TASP1: variants seen among roughly 807,000 people sequenced by gnomAD.
The protein encoded by TASP1 is taspase 1, also known as threonine aspartase 1.
In TASP1, 16 loss-of-function variants were observed where a neutral mutation model predicts 56.6. The observed-to-expected ratio is 0.28, with a 90% CI of 0.19 to 0.43. The LOEUF (loss-of-function observed/expected upper bound fraction) is 0.43. Among genes scored for constraint, TASP1 ranks in the 20% least tolerant of loss-of-function variants. The probability of loss-of-function intolerance (pLI) is 1.00; values close to 1 mark genes in which losing one functional copy is unlikely to be tolerated. For synonymous variants in TASP1, 179 were observed against 184.2 expected (o/e 0.97, Z 0.23); for missense variants, 393 against 511.6 (o/e 0.77, Z 2.24).
the TASP1 span, among the ~76,000 whole-genome samples, chr20:13,134,988 G>A: frequency 1.3e-5 from 2 of 152,144 alleles, no homozygotes; most frequent in Non-Finnish European, 2.9e-5. Context: ...AAATGCATGT[G>A]CCTCACAACA....
At chr20:13,205,181 C>G in the TASP1 span, among the ~76,000 whole-genome samples, 1 of 152,106 alleles carries the variant, frequency 6.6e-6, no homozygotes, top group Non-Finnish European at 1.5e-5. Context: ...GACCCATGCC[C>G]ACCTCTCCAA....
At chr20:13,131,776 A>G in the TASP1 span, among the ~76,000 whole-genome samples, 1 of 152,106 alleles carries the variant, frequency 6.6e-6, no homozygotes. Flanking sequence ...AGAAGCCAAA[A>G]TTATCTTTTT....
chr20:13,227,545 G>A, the TASP1 span, among the ~76,000 whole-genome samples: 6,616 of 108,264 alleles, frequency 0.061, 271 homozygotes, highest in African/African-American at 0.14. Context: ...GTCTTGCTCT[G>A]TCACCCAGGC....
At chr20:13,587,394 A>G in intron 4 of TASP1, 24 bp from the exon 5 acceptor site, 1 of 1,569,444 alleles carries the variant, frequency 6.4e-7, no homozygotes, top group Non-Finnish European at 8.7e-7. Flanking sequence ...ACAAAAATTA[A>G]AATATCATTA....
At chr20:13,417,083 C>T (rs143183132) in intron 13 of TASP1, among the ~76,000 whole-genome samples, 2 of 152,332 alleles carry the variant, frequency 1.3e-5, no homozygotes, top group Admixed American at 6.5e-5. Context: ...TTTATTCCAA[C>T]ACTTCTTGCA....
chr20:13,130,627 C>T, the TASP1 span, among the ~76,000 whole-genome samples: 1 of 152,204 alleles, frequency 6.6e-6, no homozygotes, highest in South Asian at 2.1e-4. Flanking sequence ...AGTTAATGCA[C>T]ACAGGCTGAG....
chr20:13,270,085 C>T, the TASP1 span, among the ~76,000 whole-genome samples: 10 of 152,172 alleles, frequency 6.6e-5, no homozygotes, highest in Non-Finnish European at 1.2e-4. Flanking sequence ...AGATCTTTTG[C>T]TCCATAGCCT....
chr20:13,105,199 G>A, the TASP1 span, among the ~76,000 whole-genome samples: 32 of 152,156 alleles, frequency 2.1e-4, no homozygotes, highest in South Asian at 6.6e-3. Context: ...CAGGCCGAGC[G>A]CAGTCTTCCC....
the TASP1 span, among the ~76,000 whole-genome samples, chr20:13,359,825 C>G: frequency 3.3e-5 from 5 of 150,944 alleles, no homozygotes; most frequent in Admixed American, 1.3e-4. Flanking sequence ...TCCTTTGCAT[C>G]CTCCTCTTCT....
chr20:13,354,542 G>A, the TASP1 span, among the ~76,000 whole-genome samples: 1 of 152,190 alleles, frequency 6.6e-6, no homozygotes, highest in Admixed American at 6.5e-5. Context: ...ACAAATAATT[G>A]TGAGGGGAAG....
intron 5 of TASP1, among the ~76,000 whole-genome samples, chr20:13,586,007 T>C (rs2047289684): frequency 1.3e-5 from 2 of 151,368 alleles, no homozygotes; most frequent in Admixed American, 1.3e-4. Flanking sequence ...CTGTGGTGGG[T>C]GCCTGTAATC....
intron 12 of TASP1, among the ~76,000 whole-genome samples, chr20:13,428,196 C>T (rs2042682790): frequency 6.6e-6 from 1 of 152,192 alleles, no homozygotes; most frequent in Non-Finnish European, 1.5e-5. Context: ...CTGGCAGACA[C>T]CCTTGAACTT....
chr20:13,368,348 C>G, the TASP1 span: 1 of 152,146 alleles, frequency 6.6e-6, no homozygotes, highest in Non-Finnish European at 1.5e-5. Flanking sequence ...GAGCAGTATT[C>G]TTGGGATAGA....
the TASP1 span, chr20:13,165,789 T>C: frequency 6.6e-6 from 1 of 152,194 alleles, no homozygotes; most frequent in Non-Finnish European, 1.5e-5. Context: ...AAGACTATAT[T>C]TGAAGAATGC....
chr20:13,502,257 A>T (rs1245586802), intron 10 of TASP1, among the ~76,000 whole-genome samples: 1 of 152,068 alleles, frequency 6.6e-6, no homozygotes, highest in Non-Finnish European at 1.5e-5. Context: ...TTTATGAACT[A>T]TTCCTCTGGG....
chr20:13,451,518 T>C (rs1338887177), intron 11 of TASP1, among the ~76,000 whole-genome samples: 1 of 152,102 alleles, frequency 6.6e-6, no homozygotes, highest in Non-Finnish European at 1.5e-5. Flanking sequence ...TCTTCTTGCA[T>C]TTTTATATTA....
chr20:13,195,724 G>T, the TASP1 span, among the ~76,000 whole-genome samples: 5 of 152,248 alleles, frequency 3.3e-5, no homozygotes, highest in African/African-American at 1.2e-4. Flanking sequence ...CCCAAATGAA[G>T]ACATAGAACA....
chr20:13,296,281 G>A, the TASP1 span, among the ~76,000 whole-genome samples: 20 of 152,180 alleles, frequency 1.3e-4, no homozygotes, highest in African/African-American at 4.3e-4. Context: ...GCCCAGCTGC[G>A]CATGAATGCA....
At chr20:13,635,096 A>G (rs949454577) in intron 1 of TASP1, among the ~76,000 whole-genome samples, 3 of 152,320 alleles carry the variant, frequency 2.0e-5, no homozygotes, top group South Asian at 2.1e-4. Flanking sequence ...CTGTGAATAC[A>G]CTAAATACCA....
Sources: allele counts gnomAD v4.1 joint callset (sites outside exome capture counted in the v4.1 genomes callset), GRCh38; gene constraint gnomAD v4.1.1; transcripts MANE v1.5; gene names NCBI Gene and HGNC (gene_info 2026-07-23, HGNC 2026-07-21).